The following PCDHA4 variants were observed in gnomAD, a reference collection of about 807,000 sequenced individuals.
PCDHA4 encodes the protein protocadherin alpha-4.
PCDHA4 carries 49 observed loss-of-function variants against 61.4 expected under a neutral mutation model. The ratio of observed to expected loss-of-function variants is 0.80; its 90% CI spans 0.63 to 1.01. The LOEUF is 1.01. PCDHA4 is among the 50% of genes least tolerant of loss of function. The pLI is 0.00. For missense variants in PCDHA4, 1,254 were observed against 1,235.8 expected (o/e 1.01, Z -0.22); for synonymous variants, 590 against 550.3 (o/e 1.07, Z -1.01).
Position 140,808,064 on chromosome 5 carries a change from T to G in PCDHA4, c.877T>G (p.Phe293Val), listed in dbSNP as rs1554124407. The change falls in exon 1 of 4, where the codon TTT (phenylalanine) becomes GTT (valine). Residue 293 changes from phenylalanine (F) to valine (V), a missense_variant. Coordinates refer to ENST00000530339, the MANE Select transcript of PCDHA4 (RefSeq NM_018907.4). Reference protein sequence around the residue: ...NDISPNVKSKFHIDPITGQII... With the variant: ...NDISPNVKSKVHIDPITGQII... Reference sequence around the variant, plus strand: ...TATTTCGCCAAATGTGAAATCCAAGTTTCACATAGATCCAATTACTGGACA... The same window carrying G: ...TATTTCGCCAAATGTGAAATCCAAGGTTCACATAGATCCAATTACTGGACA... The G allele has an allele frequency of 6.2e-7, 1 of 1,614,056 alleles. No homozygotes were observed. The highest frequency in any genetic ancestry group is 8.5e-7 in the Non-Finnish European group (1 of 1,179,956).
intron 1 of PCDHA4, chr5:140,868,954 C>G: frequency 7.4e-7 from 1 of 1,348,952 alleles, no homozygotes; most frequent in Non-Finnish European, 1.0e-6. Flanking sequence ...GTGAGGCACT[C>G]CCATACAAAG....
chr5:140,965,924 C>A (rs548082207), intron 1 of PCDHA4, among the ~76,000 whole-genome samples: 1 of 152,212 alleles, frequency 6.6e-6, no homozygotes, highest in Non-Finnish European at 1.5e-5. Context: ...TTTAGGCTTG[C>A]TCCCGGAAAG....
At chr5:140,851,370 T>A in intron 1 of PCDHA4, 1 of 979,252 alleles carries the variant, frequency 1.0e-6, no homozygotes, top group Non-Finnish European at 1.2e-6. Flanking sequence ...AACATCTGAT[T>A]GTTCAGCAAC....
At chr5:140,998,696 C>G (rs1587806526) in intron 3 of PCDHA4, among the ~76,000 whole-genome samples, 1 of 152,182 alleles carries the variant, frequency 6.6e-6, no homozygotes, top group East Asian at 1.9e-4. Flanking sequence ...TCCCAAGTAG[C>G]TGGGATTACA....
chr5:140,871,146 T>G (rs372974792), intron 1 of PCDHA4: 2 of 1,613,386 alleles, frequency 1.2e-6, no homozygotes, highest in African/African-American at 2.7e-5. Flanking sequence ...CTTCCCGGAC[T>G]TTGGCGGGCG....
At chr5:140,882,655 C>T in intron 1 of PCDHA4, 5 of 1,614,196 alleles carry the variant, frequency 3.1e-6, no homozygotes, top group Non-Finnish European at 4.2e-6. Context: ...TTAACGACAA[C>T]CCGCCCATAT....
At chr5:140,983,583 CT>C (rs2153831802) in intron 3 of PCDHA4, among the ~76,000 whole-genome samples, 1 of 152,306 alleles carries the variant, frequency 6.6e-6, no homozygotes, top group African/African-American at 2.4e-5. Context: ...TTTATTACAT[CT>C]ATTCTACATA....
At chr5:141,003,486 T>C (rs1563677160) in intron 3 of PCDHA4, among the ~76,000 whole-genome samples, 2 of 152,054 alleles carry the variant, frequency 1.3e-5, no homozygotes. Flanking sequence ...CTAATTTTTA[T>C]AGTTTTAGTA....
rs782520879 is a variant in PCDHA4, at chr5:141,009,808, T to A, written c.2715T>A (p.Ile905=). Residue 905 remains isoleucine (I), a synonymous_variant, in exon 4 of 4, where the codon ATT becomes ATA. Transcript: ENST00000530339. ...GGCAGGAGCCTACTAACAGCCAAAT[T>A]GACAAAAGTGACTTCATAACCTTCG... The part of the protein sequence containing the change: ...SIRQEPTNSQ[I]DKSDFITFGK... The A allele has an allele frequency of 1.2e-6, 2 of 1,613,832 alleles. No homozygotes were observed. The highest frequency in any genetic ancestry group is 2.2e-5 in the South Asian group (2 of 91,042).
intron 1 of PCDHA4, chr5:140,877,726 C>T (rs781814794): frequency 6.2e-7 from 1 of 1,614,174 alleles, no homozygotes; most frequent in African/African-American, 1.3e-5. Context: ...GTCTTACTCG[C>T]AGCAGAGGAG....
intron 1 of PCDHA4, among the ~76,000 whole-genome samples, chr5:140,826,287 CT>C (rs1768883103): frequency 6.6e-6 from 1 of 152,006 alleles, no homozygotes; most frequent in South Asian, 2.1e-4. Flanking sequence ...TGCAGCTTGT[CT>C]TTTTTATAGG....
chr5:141,001,850 T>G (rs2098040443), intron 3 of PCDHA4, among the ~76,000 whole-genome samples: 1 of 152,164 alleles, frequency 6.6e-6, no homozygotes, highest in Admixed American at 6.5e-5. Context: ...AGAGAGAGGT[T>G]GATTAAATTG....
intron 1 of PCDHA4, chr5:140,883,326 C>T (rs374138267): frequency 3.1e-6 from 5 of 1,614,044 alleles, no homozygotes; most frequent in Admixed American, 1.7e-5. Flanking sequence ...GTTACCATCA[C>T]TTCTTTGTCA....
intron 1 of PCDHA4, among the ~76,000 whole-genome samples, chr5:140,917,241 C>G (rs1383271236): frequency 6.7e-6 from 1 of 150,002 alleles, no homozygotes; most frequent in Non-Finnish European, 1.5e-5. Context: ...AATCTAGGTA[C>G]TACGATTGCT....
chr5:140,836,420 G>T, intron 1 of PCDHA4: 1 of 1,613,810 alleles, frequency 6.2e-7, no homozygotes. Flanking sequence ...CAAAGGCGTC[G>T]TCGCGGGCAT....
At chr5:140,828,203 G>T in intron 1 of PCDHA4, 1 of 1,614,078 alleles carries the variant, frequency 6.2e-7, no homozygotes, top group Non-Finnish European at 8.5e-7. Flanking sequence ...CGTACCCGAG[G>T]AGGCCAAACA....
intron 2 of PCDHA4, among the ~76,000 whole-genome samples, chr5:140,982,179 T>C (rs950269342): frequency 6.6e-6 from 1 of 152,396 alleles, no homozygotes. Flanking sequence ...CTTAGTCCTC[T>C]GATGGGCTTC....
Position 140,808,743 on chromosome 5 carries a change from C to T in PCDHA4, c.1556C>T (p.Ala519Val). The T allele has an allele frequency of 6.2e-7, 1 of 1,612,100 alleles. No homozygotes were observed. The highest frequency in any genetic ancestry group is 2.1e-4 in the Middle Eastern group (1 of 4,714). The change falls in exon 1 of 4, where the codon GCG becomes GTG. Residue 519 changes from alanine (A) to valine (V), a missense_variant. Physicochemically the swap from Ala to Val is moderately conservative, Grantham distance 64. Transcript: ENST00000530339. Reference sequence around the variant, plus strand: ...CATGCGGAGAGCGGCAAGGTGTACGCGCTGCAGCCGCTGGACCACGAGGAG... The same window carrying T: ...CATGCGGAGAGCGGCAAGGTGTACGTGCTGCAGCCGCTGGACCACGAGGAG... ...SVHAESGKVY[A>V]LQPLDHEELE...
At chr5:140,921,198 A>T (rs1298623554) in intron 1 of PCDHA4, among the ~76,000 whole-genome samples, 2 of 152,076 alleles carry the variant, frequency 1.3e-5, no homozygotes, top group African/African-American at 4.8e-5. Flanking sequence ...CAATAGATTG[A>T]CAACGATAAT....
Sources: gnomAD v4.1 joint callset for allele counts (sites outside exome capture counted in the v4.1 genomes callset) on GRCh38, gnomAD v4.1.1 for gene constraint, MANE v1.5 for transcripts, NCBI Gene and HGNC (gene_info 2026-07-23, HGNC 2026-07-21) for gene names.